The following HCN1 variants were observed in gnomAD, a reference collection of about 807,000 sequenced individuals.
HCN1 encodes the protein hyperpolarization activated cyclic nucleotide gated potassium channel 1, also known as potassium/sodium hyperpolarization-activated cyclic nucleotide-gated channel 1.
In HCN1, 13 loss-of-function variants were observed where a neutral mutation model predicts 78.9. The ratio of observed to expected loss-of-function variants is 0.16; its 90% CI spans 0.11 to 0.26. HCN1 has a LOEUF of 0.26. HCN1 is among the 10% of genes least tolerant of loss of function. The probability of loss-of-function intolerance (pLI) is 1.00; values close to 1 mark genes in which losing one functional copy is unlikely to be tolerated. For synonymous variants in HCN1, 552 were observed against 455.5 expected, an observed-to-expected ratio of 1.21 and a Z score of -2.70; for missense variants, 810 against 1,154.3, an observed-to-expected ratio of 0.70 and a Z score of 4.32.
intron 2 of HCN1, among the ~76,000 whole-genome samples, chr5:45,511,846 C>A (rs563308361): frequency 5.9e-4 from 89 of 151,988 alleles, no homozygotes; most frequent in African/African-American, 1.9e-3. Context: ...TTCGTTAGTT[C>A]GTCAGATGTA....
chr5:45,645,701 A>C, intron 1 of HCN1, 93 bp from the exon 2 acceptor site: 1 of 678,174 alleles, frequency 1.5e-6, no homozygotes, highest in South Asian at 2.1e-5. Flanking sequence ...AGTGAGATCA[A>C]TAAGTAAAAG....
intron 5 of HCN1, among the ~76,000 whole-genome samples, chr5:45,341,614 C>T (rs116441000): frequency 1.9e-3 from 283 of 152,148 alleles, no homozygotes; most frequent in African/African-American, 5.3e-3. Context: ...ACTGGTTAAG[C>T]GCAAAGGTGG....
chr5:45,335,690 T>C (rs149263371), intron 5 of HCN1, among the ~76,000 whole-genome samples: 1 of 152,248 alleles, frequency 6.6e-6, no homozygotes, highest in East Asian at 1.9e-4. Flanking sequence ...CACTGCATTG[T>C]AGTAACATTA....
rs1747523387 is a variant in HCN1, at chr5:45,374,076, TATCTATTACATATATGTATATA to T, written c.1231-20852_1231-20831del. On this transcript the variant is annotated intron_variant, in intron 4 of 7. Transcript: ENST00000303230. Reference sequence around the variant, plus strand: ...TATATTATATATATAATATATATAATATCTATTACATATATGTATATAATATATATTATATACATAATATATA... The same window carrying T: ...TATATTATATATATAATATATATAATATATATATTATATACATAATATATA... Among the ~76,000 whole-genome samples the T allele has an allele frequency of 5.8e-5, 6 of 104,108 alleles. No individual in the cohort carries two copies. In the East Asian group the frequency reaches 1.2e-3, roughly 21 times the overall value. The allele number at this position is 104,108 out of a possible 152,430, so 68.3% of individuals were successfully genotyped here. A position where few individuals can be genotyped will look rare whatever the true frequency, so the allele number is the denominator to read the frequency against.
chr5:45,287,891 T>TATA (rs1745300065), intron 6 of HCN1, among the ~76,000 whole-genome samples: 4 of 152,106 alleles, frequency 2.6e-5, no homozygotes, highest in Admixed American at 2.0e-4. Context: ...ACACTGGCCC[T>TATA]TTCGCTTATG....
chr5:45,510,659 T>C (rs908009717), intron 2 of HCN1, among the ~76,000 whole-genome samples: 3 of 152,106 alleles, frequency 2.0e-5, no homozygotes, highest in Non-Finnish European at 4.4e-5. Flanking sequence ...AGCCCTGTTT[T>C]GATGACTAAC....
intron 2 of HCN1, among the ~76,000 whole-genome samples, chr5:45,566,635 G>C (rs1006930787): frequency 2.0e-5 from 3 of 152,040 alleles, no homozygotes; most frequent in Admixed American, 6.6e-5. Flanking sequence ...GAAAATAAAA[G>C]AGGAAAGAAA....
At chr5:45,447,414 C>T (rs1401047596) in intron 3 of HCN1, among the ~76,000 whole-genome samples, 1 of 152,050 alleles carries the variant, frequency 6.6e-6, no homozygotes, top group Non-Finnish European at 1.5e-5. Context: ...TCTAGCTATT[C>T]AAAGTTTTTA....
chr5:45,282,329 C>T (rs1181078325), intron 6 of HCN1, among the ~76,000 whole-genome samples: 4 of 152,072 alleles, frequency 2.6e-5, no homozygotes, highest in Non-Finnish European at 5.9e-5. Flanking sequence ...TATATGTTAT[C>T]TTGAGTAGAA....
chr5:45,499,702 A>T (rs1742149725), intron 2 of HCN1, among the ~76,000 whole-genome samples: 1 of 152,248 alleles, frequency 6.6e-6, no homozygotes, highest in Non-Finnish European at 1.5e-5. Context: ...ATTGGATAAA[A>T]TAGCTTCACT....
intron 3 of HCN1, among the ~76,000 whole-genome samples, chr5:45,405,103 T>C (rs1337210539): frequency 6.6e-6 from 1 of 152,154 alleles, no homozygotes; most frequent in Non-Finnish European, 1.5e-5. Context: ...TCTTTAGAGC[T>C]AGGCTACAGA....
intron 2 of HCN1, among the ~76,000 whole-genome samples, chr5:45,487,733 G>T (rs1741797405): frequency 6.6e-6 from 1 of 151,928 alleles, no homozygotes; most frequent in East Asian, 1.9e-4. Context: ...AATAATGCAA[G>T]AACAGTATTA....
At chr5:45,561,174 T>C (rs1314101684) in intron 2 of HCN1, among the ~76,000 whole-genome samples, 3 of 152,148 alleles carry the variant, frequency 2.0e-5, no homozygotes, top group East Asian at 1.9e-4. Context: ...CAAATCAAGA[T>C]AGTCCAAAGC....
At chr5:45,466,387 C>T (rs751493617) in intron 2 of HCN1, among the ~76,000 whole-genome samples, 1 of 152,048 alleles carries the variant, frequency 6.6e-6, no homozygotes, top group Non-Finnish European at 1.5e-5. Context: ...ACTTTACATA[C>T]TGGGATAATT....
intron 3 of HCN1, among the ~76,000 whole-genome samples, chr5:45,436,576 T>G (rs919024755): frequency 2.0e-5 from 3 of 152,200 alleles, no homozygotes; most frequent in Admixed American, 1.3e-4. Context: ...AGAAAATCAC[T>G]TTACTCAATC....
At chr5:45,297,510 G>A (rs180765470) in intron 6 of HCN1, among the ~76,000 whole-genome samples, 11 of 152,128 alleles carry the variant, frequency 7.2e-5, no homozygotes, top group Middle Eastern at 6.8e-3. Context: ...CCCAAAAGTT[G>A]TCACCAGTAA....
At chr5:45,476,291 GC>G (rs1741513403) in intron 2 of HCN1, among the ~76,000 whole-genome samples, 1 of 152,090 alleles carries the variant, frequency 6.6e-6, no homozygotes, top group African/African-American at 2.4e-5. Flanking sequence ...GGACTTTCCA[GC>G]CTCCAGAACT....
chr5:45,388,497 C>T (rs1023933652), intron 4 of HCN1, among the ~76,000 whole-genome samples: 3 of 152,060 alleles, frequency 2.0e-5, no homozygotes, highest in Admixed American at 6.6e-5. Context: ...GTCTCTGGAC[C>T]GGTAGCAGCA....
chr5:45,507,507 A>G (rs1020348759), intron 2 of HCN1, among the ~76,000 whole-genome samples: 1 of 152,146 alleles, frequency 6.6e-6, no homozygotes, highest in Non-Finnish European at 1.5e-5. Flanking sequence ...GAGATTTTGT[A>G]ATGGTTCCAA....
Sources: gnomAD v4.1 joint callset for allele counts (sites outside exome capture counted in the v4.1 genomes callset) on GRCh38, gnomAD v4.1.1 for gene constraint, MANE v1.5 for transcripts, NCBI Gene and HGNC (gene_info 2026-07-23, HGNC 2026-07-21) for gene names.